Variants in DOCK6 observed in about 807,000 individuals in gnomAD.
DOCK6 encodes dedicator of cytokinesis 6, also known as dedicator of cytokinesis protein 6.
Under a neutral mutation model 230.3 loss-of-function variants are expected in DOCK6, and 167 were observed. That is an observed-to-expected ratio of 0.73 (90% confidence interval 0.64 to 0.82). DOCK6 has a LOEUF of 0.82. Ranked by LOEUF, DOCK6 falls within the 40% of genes least tolerant of loss-of-function variation. DOCK6 has a pLI of 0.00. For missense variants in DOCK6, 2,598 were observed against 2,825.8 expected, an observed-to-expected ratio of 0.92 and a Z score of 1.83; for synonymous variants, 1,148 against 1,185.0, an observed-to-expected ratio of 0.97 and a Z score of 0.64.
In DOCK6 at chr19:11,202,410, T is replaced by C. The variant is rs770613089; in HGVS notation, c.5435A>G (p.Lys1812Arg). 1 of 1,613,868 alleles carries C rather than the reference T, an allele frequency of 6.2e-7. No homozygotes were observed. Among genetic ancestry groups the C allele is most frequent in the African/African-American group, 1.3e-5 (1 of 75,060 alleles). The change falls in exon 43 of 48, where the codon AAG becomes AGG. Residue 1812 changes from lysine (K) to arginine (R), a missense_variant. Lys to Arg is a conservative substitution (Grantham distance 26, BLOSUM62 2). Coordinates refer to ENST00000294618, the MANE Select transcript of DOCK6 (RefSeq NM_020812.4). This position sits in a 1 kb window ranked among gnomAD's most constrained non-coding sequence, Gnocchi z 5.3. The part of the protein sequence containing the change: ...IKDSNPVDKS[K>R]LDSQKAYIQI... ...GGGACCCACCTTTTGTGAGTCAAGC[T>C]TGGACTTGTCCACAGGGTTAGAGTC...
In DOCK6 at chr19:11,200,486, G is replaced by A. The variant is rs1313716962; in HGVS notation, c.5940-17C>T. On this transcript the variant is annotated splice_polypyrimidine_tract_variant and intron_variant, in intron 46 of 47. Transcript: ENST00000294618. The surrounding 1 kb of genome is among the most constrained non-coding windows in gnomAD (Gnocchi z 4.3). ...TCCTCACATCTGAGGGCCAGAGGGT[G>A]GGAGATGCTCAGAGACTCGCACACG... 1 of 1,606,638 alleles carries A rather than the reference G, an allele frequency of 6.2e-7. No individual in the cohort carries two copies.
chr19:11,236,830 C>A lies in DOCK6; in HGVS notation c.2123G>T (p.Ser708Ile). Residue 708 changes from serine (S) to isoleucine (I), a missense_variant, in exon 19 of 48, where the codon AGT becomes ATT. Transcript: ENST00000294618. This position sits in a 1 kb window ranked among gnomAD's most constrained non-coding sequence, Gnocchi z 5.2. ...RWVDGHKGVF[S>I]VELTAVSSVH... Reference sequence around the variant, plus strand: ...AGAGGACACGGCTGTGAGCTCCACACTGAACACGCCCTTGTGACCGTCCAC... The same window carrying A: ...AGAGGACACGGCTGTGAGCTCCACAATGAACACGCCCTTGTGACCGTCCAC... 6.4e-7 allele frequency: 1 copy of A among 1,555,588 alleles called. No homozygotes were observed. Among genetic ancestry groups the A allele is most frequent in the East Asian group, 2.4e-5 (1 of 41,196 alleles).
chr19:11,235,321 G>A (rs2079828602), intron 21 of DOCK6, among the ~76,000 whole-genome samples: 1 of 152,026 alleles, frequency 6.6e-6, no homozygotes, highest in Non-Finnish European at 1.5e-5. Flanking sequence ...TGGCCAGGCT[G>A]GTCTTGAACT....
chr19:11,229,083 C>A (rs200600840), intron 22 of DOCK6, 48 bp from the exon 23 acceptor site: 1 of 1,562,380 alleles, frequency 6.4e-7, no homozygotes, highest in South Asian at 1.1e-5. Context: ...CACCCCTTCC[C>A]GTACCCCCTC....
intron 22 of DOCK6, 96 bp from the exon 23 acceptor site, chr19:11,229,131 G>A (rs939160835): frequency 1.5e-4 from 201 of 1,341,774 alleles, no homozygotes; most frequent in Admixed American, 3.3e-4. Flanking sequence ...TGGAGGGCTC[G>A]GGGTTAGTGC....
intron 1 of DOCK6, among the ~76,000 whole-genome samples, chr19:11,257,284 A>G (rs2080212800): frequency 2.0e-5 from 3 of 149,000 alleles, no homozygotes; most frequent in African/African-American, 7.4e-5. Flanking sequence ...GGTGTGAGCC[A>G]CTGTGCCTGG....
intron 20 of DOCK6, 118 bp from the exon 21 acceptor site, chr19:11,235,877 A>ATT (rs56665433): frequency 0.011 from 9,830 of 873,334 alleles, 1 homozygote; most frequent in South Asian, 0.017. Flanking sequence ...GGGGTCACAA[A>ATT]TTTTTTTTTT....
Position 11,221,817 on chromosome 19 carries a change from A to G in DOCK6, c.3550+34T>C, listed in dbSNP as rs373971986. 9.9e-5 allele frequency: 160 copies of G among 1,613,332 alleles called. No homozygotes were observed. The African/African-American group carries it at 1.8e-3, about 18-fold the overall frequency. Reference sequence around the variant, plus strand: ...GTGCCTTCTGTGACCAAGTCCCTGGATCATGTGACCCCATCTTCCCCTGGC... The same window carrying G: ...GTGCCTTCTGTGACCAAGTCCCTGGGTCATGTGACCCCATCTTCCCCTGGC... On this transcript the variant is annotated intron_variant, in intron 28 of 47. Coordinates refer to ENST00000294618, the MANE Select transcript of DOCK6 (RefSeq NM_020812.4).
chr19:11,205,158 G>C (rs939240753), intron 39 of DOCK6, among the ~76,000 whole-genome samples: 36 of 152,308 alleles, frequency 2.4e-4, no homozygotes, highest in African/African-American at 7.2e-4. Flanking sequence ...CAGAAGGCCT[G>C]TGTCCACCCC....
At chr19:11,205,938 CT>C (rs1364969866) in intron 39 of DOCK6, 3 of 152,100 alleles carry the variant, frequency 2.0e-5, no homozygotes, top group African/African-American at 7.2e-5. Context: ...CCTCTGAGGC[CT>C]TCGTCTCCAA....
At chr19:11,242,608 T>G (rs909024131) in intron 13 of DOCK6, among the ~76,000 whole-genome samples, 1 of 151,930 alleles carries the variant, frequency 6.6e-6, no homozygotes, top group Admixed American at 6.6e-5. Flanking sequence ...GCCAGGCTGG[T>G]CTCAAACTCC....
chr19:11,241,357 C>A, intron 14 of DOCK6: 1 of 825,740 alleles, frequency 1.2e-6, no homozygotes, highest in South Asian at 1.6e-5. Flanking sequence ...TGCTGGGTCA[C>A]ACAGATACAA....
chr19:11,202,154 C>T lies in DOCK6; in HGVS notation c.5452-29G>A. 4 of 1,607,028 alleles carry T rather than the reference C, an allele frequency of 2.5e-6. No individual in the cohort carries two copies. In the East Asian group the frequency reaches 8.9e-5, roughly 36 times the overall value. On this transcript the variant is annotated intron_variant, in intron 43 of 47. Coordinates refer to ENST00000294618, the MANE Select transcript of DOCK6 (RefSeq NM_020812.4). This position sits in a 1 kb window ranked among gnomAD's most constrained non-coding sequence, Gnocchi z 5.3. ...GGCGCAGGGTCAGGTGTGAGGATCC[C>T]ACAGCCCCAGCACGCACAGCCCAAG... is the stretch of plus-strand genomic sequence containing the variant.
At chr19:11,231,916 G>C (rs1568242761) in intron 22 of DOCK6, among the ~76,000 whole-genome samples, 1 of 152,292 alleles carries the variant, frequency 6.6e-6, no homozygotes, top group East Asian at 1.9e-4. Flanking sequence ...ATGGGTGACT[G>C]GATTTGCACT....
In DOCK6 at chr19:11,209,102, T is replaced by C; in HGVS notation, c.4753A>G (p.Ile1585Val). ...GGTGAGCCCTGGTAGCCCCGGGCAATTCTGGAGTCCAGGTGAGGGGGGATG... is the reference window on the plus strand; with the variant it reads ...GGTGAGCCCTGGTAGCCCCGGGCAACTCTGGAGTCCAGGTGAGGGGGGATG... ...PEMLIDLMYR[I>V]ARGYQGSPDL... Residue 1585 changes from isoleucine to valine, a missense_variant and splice_region_variant, in exon 38 of 48, where the codon ATT becomes GTT. Transcript: ENST00000294618. The C allele has an allele frequency of 1.2e-6, 2 of 1,611,040 alleles. No individual in the cohort carries two copies. The highest frequency in any genetic ancestry group is 1.7e-6 in the Non-Finnish European group (2 of 1,179,102).
chr19:11,241,650 C>G, intron 14 of DOCK6: 1 of 1,574,712 alleles, frequency 6.4e-7, no homozygotes. Flanking sequence ...AGCCACATCT[C>G]CCTCCCCAGA....
Position 11,204,091 on chromosome 19 carries a change from G to C in DOCK6, c.5225C>G (p.Ser1742Cys), listed in dbSNP as rs1296061364. 6.6e-7 allele frequency: 1 copy of C among 1,503,944 alleles called. No individual in the cohort carries two copies. Among genetic ancestry groups the C allele is most frequent in the Admixed American group, 2.0e-5 (1 of 49,350 alleles). 93.2% of individuals were successfully genotyped at this position (1,503,944 alleles called of 1,614,324 possible). A position where few individuals can be genotyped will look rare whatever the true frequency, so the allele number is the denominator to read the frequency against. Residue 1742 changes from serine to cysteine, a missense_variant, in exon 41 of 48, where the codon TCC becomes TGC. By Grantham distance (112) the Ser-to-Cys change is moderately radical. Transcript: ENST00000294618. ...CCAAGGCTGACTCACCTCCCAGCCGGAACTCTGTGGGGAAGAGAAGGGTCA... is the reference window on the plus strand; with the variant it reads ...CCAAGGCTGACTCACCTCCCAGCCGCAACTCTGTGGGGAAGAGAAGGGTCA... ...EAFTKIMHQS[S>C]GWERVFGTYF...
chr19:11,204,418 G>A lies in DOCK6; in HGVS notation c.5089-87C>T, dbSNP rs373772717. 1.9e-4 allele frequency: 287 copies of A among 1,531,572 alleles called. 2 individuals carry two copies. In the East Asian group the frequency reaches 3.5e-3, roughly 19 times the overall value. The allele number at this position is 1,531,572 out of a possible 1,614,324, so 94.9% of individuals were successfully genotyped here. ...CTACCCATCTCCCTTGTGAGCCTCCGTGCTCCTACCCACCCTCCATCACCT... is the reference window on the plus strand; with the variant it reads ...CTACCCATCTCCCTTGTGAGCCTCCATGCTCCTACCCACCCTCCATCACCT... On this transcript the variant is annotated intron_variant, in intron 39 of 47. Coordinates refer to ENST00000294618, the MANE Select transcript of DOCK6 (RefSeq NM_020812.4).
rs764834052 is a variant in DOCK6 at position 11,235,690 on chromosome 19, G to A, written c.2462C>T (p.Ala821Val). 3 of 1,601,968 alleles carry A rather than the reference G, an allele frequency of 1.9e-6. No homozygotes were observed. The highest frequency in any genetic ancestry group is 3.3e-4 in the Middle Eastern group (2 of 6,052). ...GCAGTGACCGCGGGCATCCTGGGCT[G>A]CCTCCAGGCTCCGGTGAACAAGGCT... Reference protein sequence around the residue: ...VVSLVHRSLEAAQDARGHCPQ... With the variant: ...VVSLVHRSLEVAQDARGHCPQ... Residue 821 changes from alanine (A) to valine (V), a missense_variant, in exon 21 of 48, where the codon GCA becomes GTA. Physicochemically the swap from Ala to Val is moderately conservative, Grantham distance 64. Transcript: ENST00000294618.
Sources: allele counts gnomAD v4.1 joint callset (sites outside exome capture counted in the v4.1 genomes callset), GRCh38; gene constraint gnomAD v4.1.1; non-coding constraint Gnocchi (gnomAD v3.1); transcripts MANE v1.5; gene names NCBI Gene and HGNC (gene_info 2026-07-23, HGNC 2026-07-21).